Variants in FLT3 observed in about 807,000 individuals in gnomAD.
The protein encoded by FLT3 is fms related receptor tyrosine kinase 3.
Under a neutral mutation model 126.6 loss-of-function variants are expected in FLT3, and 46 were observed. The observed-to-expected ratio is 0.36, with a 90% CI of 0.29 to 0.46. The LOEUF is 0.46. FLT3 is among the 20% of genes least tolerant of loss of function. The pLI is 1.00. For missense variants in FLT3, 1,069 were observed against 1,190.3 expected (o/e 0.90, Z 1.50); for synonymous variants, 404 against 434.4 (o/e 0.93, Z 0.87).
At chr13:28,010,778 A>G (rs558520587) in intron 23 of FLT3, among the ~76,000 whole-genome samples, 1 of 152,224 alleles carries the variant, frequency 6.6e-6, no homozygotes, top group African/African-American at 2.4e-5. Context: ...AGGCCGAGGC[A>G]GGCGAATCGC....
chr13:28,063,738 GAA>G (rs10719225), intron 2 of FLT3, among the ~76,000 whole-genome samples: 1,780 of 147,678 alleles, frequency 0.012, 16 homozygotes, highest in Non-Finnish European at 0.016. Context: ...TATGAGACTA[GAA>G]AAAAAAAAAA....
intron 1 of FLT3, among the ~76,000 whole-genome samples, chr13:28,070,884 G>A (rs1204320299): frequency 6.6e-6 from 1 of 151,800 alleles, no homozygotes; most frequent in Non-Finnish European, 1.5e-5. Context: ...GCTACATGTG[G>A]CTCTTAAGCT....
chr13:28,059,669 A>G (rs527923144), intron 3 of FLT3, among the ~76,000 whole-genome samples: 1 of 152,312 alleles, frequency 6.6e-6, no homozygotes, highest in South Asian at 2.1e-4. Context: ...TTTTTTTTTA[A>G]AGAATTTCTT....
chr13:28,057,292 C>A lies in FLT3; in HGVS notation c.484+55G>T. Reference sequence around the variant, plus strand: ...TCAAGCTAACGGGTTCTAAACCACTCCTTTGAAATATTGTGGTATTCCAGG... The same window carrying A: ...TCAAGCTAACGGGTTCTAAACCACTACTTTGAAATATTGTGGTATTCCAGG... On this transcript the variant is annotated intron_variant, in intron 4 of 23. Coordinates refer to ENST00000241453, the MANE Select transcript of FLT3 (RefSeq NM_004119.3). The A allele has an allele frequency of 3.6e-6, 3 of 836,960 alleles. No homozygotes were observed. In the Admixed American group the frequency reaches 5.1e-5, roughly 14 times the overall value. 51.8% of individuals were successfully genotyped at this position (836,960 alleles called of 1,614,324 possible). A position where few individuals can be genotyped will look rare whatever the true frequency, so the allele number is the denominator to read the frequency against.
rs939448061 is a variant in FLT3 at position 28,023,449 on chromosome 13, C to A, written c.2319G>T (p.Arg773Ser). 1 of 1,613,966 alleles carries A rather than the reference C, an allele frequency of 6.2e-7. No individual in the cohort carries two copies. The highest frequency in any genetic ancestry group is 8.5e-7 in the Non-Finnish European group (1 of 1,179,938). ...EDEIEYENQK[R>S]LEEEEDLNVL... ...CATTCAAGTCCTCCTCTTCTTCCAG[C>A]CTTTTTTGGTTTTCATATTCAATTT... Residue 773 changes from arginine (R) to serine (S), a missense_variant, in exon 19 of 24, where the codon AGG becomes AGT. Physicochemically the swap from Arg to Ser is moderately radical, Grantham distance 110. Transcript: ENST00000241453.
At chr13:28,029,156 C>T (rs1271033671) in intron 15 of FLT3, among the ~76,000 whole-genome samples, 1 of 152,136 alleles carries the variant, frequency 6.6e-6, no homozygotes, top group Non-Finnish European at 1.5e-5. Context: ...TTTGGGAGGC[C>T]AAGGCGGGTG....
chr13:28,014,671 T>A, intron 22 of FLT3, 114 bp from the exon 23 acceptor site: 1 of 699,804 alleles, frequency 1.4e-6, no homozygotes, highest in Non-Finnish European at 2.4e-6. Flanking sequence ...ATTTACAGCA[T>A]GTTTGTTTTG....
chr13:28,075,591 G>A (rs771083856), intron 1 of FLT3, among the ~76,000 whole-genome samples: 2 of 151,660 alleles, frequency 1.3e-5, no homozygotes, highest in African/African-American at 2.4e-5. Flanking sequence ...CGGGTGAAGT[G>A]GCGCATGCCT....
chr13:28,046,571 A>G (rs746926482), intron 9 of FLT3, among the ~76,000 whole-genome samples: 1 of 152,228 alleles, frequency 6.6e-6, no homozygotes, highest in Non-Finnish European at 1.5e-5. Flanking sequence ...TTAATATATA[A>G]TCAATGTAAA....
intron 17 of FLT3, chr13:28,025,332 A>T (rs1281463917): frequency 1.6e-5 from 7 of 439,206 alleles, no homozygotes; most frequent in Non-Finnish European, 3.1e-5. Context: ...TCCCTCACAT[A>T]ATACAGATCT....
At chr13:28,025,257 T>C in intron 17 of FLT3, 2 of 407,488 alleles carry the variant, frequency 4.9e-6, no homozygotes, top group Non-Finnish European at 9.1e-6. Context: ...GTGAGATAAA[T>C]ATGATTCGAG....
At chr13:28,018,963 CTTTTCT>C (rs1343101897) in intron 19 of FLT3, among the ~76,000 whole-genome samples, 3 of 103,290 alleles carry the variant, frequency 2.9e-5, no homozygotes, top group Non-Finnish European at 4.0e-5. Context: ...AATAGCATCT[CTTTTCT>C]TTTTTTTTTT....
At position 28,075,682 on chromosome 13, in the gene FLT3, G is replaced by A. The variant is rs577791156; in HGVS notation, c.44-5070C>T. Among the ~76,000 whole-genome samples, 9 of 151,156 alleles carry A rather than the reference G, an allele frequency of 6.0e-5. No homozygotes were observed. In the South Asian group the frequency reaches 1.5e-3, roughly 25 times the overall value. Reference sequence around the variant, plus strand: ...AGAGGTTGCAGTGAGCAGGGATCACGCCATTGCACTCTAGCCTGGGCAACA... The same window carrying A: ...AGAGGTTGCAGTGAGCAGGGATCACACCATTGCACTCTAGCCTGGGCAACA... On this transcript the variant is annotated intron_variant, in intron 1 of 23. Coordinates refer to ENST00000241453, the MANE Select transcript of FLT3 (RefSeq NM_004119.3).
At chr13:28,043,207 A>G (rs1874541097) in intron 9 of FLT3, among the ~76,000 whole-genome samples, 1 of 151,804 alleles carries the variant, frequency 6.6e-6, no homozygotes. Context: ...TTTTTCCCAT[A>G]AAAGTGGAAA....
intron 2 of FLT3, 26 bp downstream of exon 2, chr13:28,070,465 A>C (rs1167001876): frequency 6.3e-7 from 1 of 1,595,494 alleles, no homozygotes; most frequent in Non-Finnish European, 8.6e-7. Context: ...AAAACAGCTA[A>C]AGGTATAATT....
intron 4 of FLT3, among the ~76,000 whole-genome samples, chr13:28,054,115 T>G (rs886825325): frequency 2.0e-5 from 3 of 152,212 alleles, no homozygotes; most frequent in Non-Finnish European, 4.4e-5. Flanking sequence ...AGAGTGGAAC[T>G]GCTGGTCTAC....
chr13:28,013,327 C>T (rs906651361), intron 23 of FLT3, among the ~76,000 whole-genome samples: 5 of 152,146 alleles, frequency 3.3e-5, no homozygotes, highest in African/African-American at 1.2e-4. Flanking sequence ...ATACCAAGTG[C>T]CCAGTACGTG....
intron 1 of FLT3, among the ~76,000 whole-genome samples, chr13:28,091,694 G>A (rs2137828630): frequency 6.6e-6 from 1 of 152,188 alleles, no homozygotes; most frequent in Middle Eastern, 3.4e-3. Context: ...CAGCACTCTG[G>A]GAAGCCAAGG....
intron 1 of FLT3, among the ~76,000 whole-genome samples, chr13:28,080,404 G>C (rs1450444705): frequency 6.6e-6 from 1 of 151,854 alleles, no homozygotes. Context: ...AAAACATTAG[G>C]GATCAAATTT....
Sources: gnomAD v4.1 joint callset for allele counts (sites outside exome capture counted in the v4.1 genomes callset) on GRCh38, gnomAD v4.1.1 for gene constraint, MANE v1.5 for transcripts, NCBI Gene and HGNC (gene_info 2026-07-23, HGNC 2026-07-21) for gene names.